FAM171A1: variants seen among roughly 807,000 people sequenced by gnomAD.
FAM171A1 encodes the protein family with sequence similarity 171 member A1.
FAM171A1 carries 23 observed loss-of-function variants against 74.9 expected under a neutral mutation model. That is an observed-to-expected ratio of 0.31 (90% confidence interval 0.22 to 0.44). The LOEUF is 0.44. FAM171A1 is among the 20% of genes least tolerant of loss of function. The pLI, the probability that FAM171A1 is intolerant of heterozygous loss-of-function variation, is 1.00. For missense variants in FAM171A1, 1,162 were observed against 1,159.2 expected (o/e 1.00, Z -0.03); for synonymous variants, 527 against 505.7 (o/e 1.04, Z -0.57).
intron 1 of FAM171A1, among the ~76,000 whole-genome samples, chr10:15,320,535 A>C (rs1046821155): frequency 2.0e-5 from 3 of 152,322 alleles, no homozygotes; most frequent in African/African-American, 4.8e-5. Context: ...TTCTTTGAGA[A>C]ATTTCCAAAT....
At chr10:15,268,853 C>T (rs973551787) in intron 3 of FAM171A1, among the ~76,000 whole-genome samples, 1 of 152,102 alleles carries the variant, frequency 6.6e-6, no homozygotes, top group Non-Finnish European at 1.5e-5. Context: ...ACAAGCCTGG[C>T]CAACATAGTG....
At chr10:15,311,667 C>T (rs1243949901) in intron 1 of FAM171A1, among the ~76,000 whole-genome samples, 1 of 152,054 alleles carries the variant, frequency 6.6e-6, no homozygotes, top group African/African-American at 2.4e-5. Flanking sequence ...GTAAGCCGCC[C>T]CACCCCACCT....
chr10:15,325,884 G>C (rs1053463460), intron 1 of FAM171A1, among the ~76,000 whole-genome samples: 3 of 152,144 alleles, frequency 2.0e-5, no homozygotes, highest in African/African-American at 7.2e-5. Context: ...GCTCTGCCAA[G>C]TCCATCATCC....
intron 1 of FAM171A1, among the ~76,000 whole-genome samples, chr10:15,317,802 A>G (rs1439907058): frequency 3.3e-5 from 5 of 151,882 alleles, no homozygotes; most frequent in Non-Finnish European, 5.9e-5. Flanking sequence ...GCACTAATTT[A>G]CTTTTTGAGA....
chr10:15,284,214 A>G (rs1369894293), intron 1 of FAM171A1, 109 bp from the exon 2 acceptor site: 1 of 930,806 alleles, frequency 1.1e-6, no homozygotes, highest in Admixed American at 2.6e-5. Context: ...AAGGACATCA[A>G]GGTTGACACT....
At chr10:15,291,817 C>T (rs549064292) in intron 1 of FAM171A1, among the ~76,000 whole-genome samples, 60 of 152,260 alleles carry the variant, frequency 3.9e-4, no homozygotes, top group African/African-American at 1.2e-3. Flanking sequence ...CCTGGCCTGG[C>T]GCACTCTCCC....
chr10:15,347,911 C>G (rs914501318), intron 1 of FAM171A1, among the ~76,000 whole-genome samples: 11 of 151,790 alleles, frequency 7.2e-5, no homozygotes, highest in Non-Finnish European at 1.5e-4. Context: ...TGCGTTCTAC[C>G]CCAATGCTTG....
At chr10:15,342,175 T>G (rs1416699814) in intron 1 of FAM171A1, among the ~76,000 whole-genome samples, 1 of 152,212 alleles carries the variant, frequency 6.6e-6, no homozygotes, top group Non-Finnish European at 1.5e-5. Flanking sequence ...TTCTCAACTT[T>G]TATCAACAGG....
Position 15,252,772 on chromosome 10 carries a change from G to T in FAM171A1, c.577+1949C>A, listed in dbSNP as rs180910974. Reference sequence around the variant, plus strand: ...GACCTCTCTTCCCTTTGAAATCACGGAATGATCTTAAAATAGGACAAACTC... The same window carrying T: ...GACCTCTCTTCCCTTTGAAATCACGTAATGATCTTAAAATAGGACAAACTC... On this transcript the variant is annotated intron_variant, in intron 4 of 7. Coordinates refer to ENST00000378116, the MANE Select transcript of FAM171A1 (RefSeq NM_001010924.2). Among the ~76,000 whole-genome samples the T allele has an allele frequency of 1.8e-4, 27 of 152,266 alleles. No homozygotes were observed. The East Asian group carries it at 4.1e-3, about 23-fold the overall frequency.
At position 15,213,834 on chromosome 10, in the gene FAM171A1, G is replaced by T. The variant is rs1184053131; in HGVS notation, c.1754C>A (p.Ala585Asp). Residue 585 changes from alanine (A) to aspartate (D), a missense_variant, in exon 8 of 8, where the codon GCT becomes GAT. Physicochemically the swap from Ala to Asp is moderately radical, Grantham distance 126. Transcript: ENST00000378116. The surrounding 1 kb of genome is among the most constrained non-coding windows in gnomAD (Gnocchi z 6.8). ...GTCCCCGGGGAGTTTCATATAATGAGCCGGGATGACCAAGGCAGGCAGTAC... is the reference window on the plus strand; with the variant it reads ...GTCCCCGGGGAGTTTCATATAATGATCCGGGATGACCAAGGCAGGCAGTAC... ...RKVLPALVIP[A>D]HYMKLPGDHS... is the part of the protein sequence containing the mutation. The T allele has an allele frequency of 5.0e-6, 8 of 1,614,076 alleles. No homozygotes were observed. In the Admixed American group the frequency reaches 1.0e-4, roughly 20 times the overall value.
chr10:15,295,098 T>C (rs1414923174), intron 1 of FAM171A1, among the ~76,000 whole-genome samples: 1 of 152,056 alleles, frequency 6.6e-6, no homozygotes, highest in African/African-American at 2.4e-5. Flanking sequence ...TTTTTATTTA[T>C]TTTTATTTTT....
chr10:15,301,902 ATATGCAT>A (rs1214525651), intron 1 of FAM171A1, among the ~76,000 whole-genome samples: 2 of 152,198 alleles, frequency 1.3e-5, no homozygotes, highest in Admixed American at 6.5e-5. Context: ...CCAAGGAACT[ATATGCAT>A]TATGAAGACA....
chr10:15,314,160 C>T (rs1835396584), intron 1 of FAM171A1, among the ~76,000 whole-genome samples: 1 of 152,058 alleles, frequency 6.6e-6, no homozygotes, highest in African/African-American at 2.4e-5. Context: ...CGTCACCCTA[C>T]AACTGGGGAA....
At chr10:15,250,113 C>T (rs1431843869) in intron 4 of FAM171A1, among the ~76,000 whole-genome samples, 1 of 152,216 alleles carries the variant, frequency 6.6e-6, no homozygotes, top group African/African-American at 2.4e-5. Flanking sequence ...CAATGAATTA[C>T]AGCTAAATCC....
At chr10:15,368,981 C>A (rs1283630882) in intron 1 of FAM171A1, among the ~76,000 whole-genome samples, 1 of 152,112 alleles carries the variant, frequency 6.6e-6, no homozygotes, top group Non-Finnish European at 1.5e-5. Context: ...GCCATCCTTA[C>A]AGTAGATAAC....
At chr10:15,236,285 CA>C (rs369050654) in intron 5 of FAM171A1, among the ~76,000 whole-genome samples, 13,316 of 136,968 alleles carry the variant, frequency 0.097, 609 homozygotes, top group Middle Eastern at 0.2. Context: ...ATCATGCTTC[CA>C]AAAAAAAAAA....
intron 1 of FAM171A1, among the ~76,000 whole-genome samples, chr10:15,336,904 CT>C (rs35067478): frequency 6.7e-6 from 1 of 149,772 alleles, no homozygotes; most frequent in Non-Finnish European, 1.5e-5. Context: ...TTCTTTCTTT[CT>C]TTTTTTTTTG....
chr10:15,322,127 C>T (rs769079750), intron 1 of FAM171A1, among the ~76,000 whole-genome samples: 5 of 152,224 alleles, frequency 3.3e-5, no homozygotes, highest in Non-Finnish European at 5.9e-5. Flanking sequence ...TCTTTTAAAC[C>T]CTTTGCAGAG....
rs1191230159 is a variant in FAM171A1, at chr10:15,303,425, C to T, written c.98-19320G>A. On this transcript the variant is annotated intron_variant, in intron 1 of 7. Transcript: ENST00000378116. ...ACATCAGCATACGGTATTTTCCACA[C>T]AGTTTAAGTTTCTAGAATGGTTCTT... Among the ~76,000 whole-genome samples the T allele has an allele frequency of 2.6e-5, 4 of 152,128 alleles. No homozygotes were observed. In the East Asian group the frequency reaches 5.8e-4, roughly 22 times the overall value.
Sources: gnomAD v4.1 joint callset for allele counts (sites outside exome capture counted in the v4.1 genomes callset) on GRCh38, gnomAD v4.1.1 for gene constraint, Gnocchi (gnomAD v3.1) non-coding constraint, MANE v1.5 for transcripts, NCBI Gene and HGNC (gene_info 2026-07-23, HGNC 2026-07-21) for gene names.